Variants in DZANK1 observed in about 807,000 individuals in gnomAD.
DZANK1 encodes double zinc ribbon and ankyrin repeat domains 1.
In DZANK1, 91 loss-of-function variants were observed where a neutral mutation model predicts 94.5. That is an observed-to-expected ratio of 0.96 (90% CI 0.81 to 1.15). DZANK1 has a LOEUF of 1.15. Among genes scored for constraint, DZANK1 ranks in the 50% most tolerant of loss-of-function variants. DZANK1 has a pLI of 0.00. For missense variants in DZANK1, 903 were observed against 916.4 expected (o/e 0.99, Z 0.19); for synonymous variants, 312 against 325.3 (o/e 0.96, Z 0.44).
intron 8 of DZANK1, among the ~76,000 whole-genome samples, 166 bp downstream of exon 8, chr20:18,443,181 G>C (rs1357738783): frequency 6.6e-6 from 1 of 152,198 alleles, no homozygotes. Context: ...AGCATTGCAA[G>C]TAAGTTTTTC....
chr20:18,460,396 G>T, intron 2 of DZANK1, 90 bp from the exon 3 acceptor site: 1 of 954,830 alleles, frequency 1.0e-6, no homozygotes, highest in Non-Finnish European at 1.5e-6. Flanking sequence ...ATCTAAGTGT[G>T]TGATTTAAGA....
chr20:18,409,751 A>C (rs1342428491), intron 13 of DZANK1, among the ~76,000 whole-genome samples: 1 of 152,176 alleles, frequency 6.6e-6, no homozygotes, highest in Non-Finnish European at 1.5e-5. Context: ...TAGAAATAAG[A>C]TATATTGACC....
At chr20:18,461,938 C>T (rs2059487308) in intron 2 of DZANK1, among the ~76,000 whole-genome samples, 1 of 151,896 alleles carries the variant, frequency 6.6e-6, no homozygotes, top group Non-Finnish European at 1.5e-5. Context: ...AAACTGCCCT[C>T]CATGGATGGT....
exon 13 of DZANK1, chr20:18,412,764 G>A (rs1359599670): frequency 1.9e-6 from 3 of 1,613,756 alleles, no homozygotes; most frequent in African/African-American, 2.7e-5. Flanking sequence ...ATGGGTAGAA[G>A]AGGCCAACAG....
intron 13 of DZANK1, among the ~76,000 whole-genome samples, chr20:18,407,919 A>T (rs2057040776): frequency 1.3e-5 from 2 of 152,218 alleles, no homozygotes. Context: ...ACAACAAAGC[A>T]CACCTATAAG....
At position 18,441,654 on chromosome 20, in the gene DZANK1, G is replaced by A. The variant is rs576762659; in HGVS notation, c.747+1693C>T. 2.6e-5 allele frequency among the ~76,000 whole-genome samples: 4 copies of A among 152,316 alleles called. No individual in the cohort carries two copies. The highest frequency in any genetic ancestry group is 2.1e-4 in the South Asian group (1 of 4,828). On this transcript the variant is annotated intron_variant, in intron 8 of 20. Transcript: ENST00000262547. The surrounding 1 kb of genome is among the most constrained non-coding windows in gnomAD (Gnocchi z 4.1). ...GAATTGAGTGTGGTTGTCACCCACC[G>A]GATGGCAGAGAAGTTCACTGAGGTG... is the stretch of plus-strand genomic sequence containing the variant.
At chr20:18,465,636 C>T (rs1455984477) in intron 1 of DZANK1, among the ~76,000 whole-genome samples, 2 of 152,188 alleles carry the variant, frequency 1.3e-5, no homozygotes, top group East Asian at 1.9e-4. Flanking sequence ...AAAGAAGTTA[C>T]TTTAAAAGGA....
At chr20:18,459,750 C>T (rs1321469195) in intron 3 of DZANK1, among the ~76,000 whole-genome samples, 2 of 152,030 alleles carry the variant, frequency 1.3e-5, no homozygotes, top group African/African-American at 2.4e-5. Context: ...CGATACAAAA[C>T]GAAATCGAGA....
chr20:18,464,720 G>A (rs1281408254), intron 2 of DZANK1, among the ~76,000 whole-genome samples: 4 of 129,948 alleles, frequency 3.1e-5, no homozygotes, highest in African/African-American at 1.2e-4. Flanking sequence ...CTGTTGCCTA[G>A]GCTGGAGTGC....
chr20:18,437,595 AAAAAG>A (rs1314851625), intron 8 of DZANK1, among the ~76,000 whole-genome samples: 2 of 152,046 alleles, frequency 1.3e-5, no homozygotes, highest in African/African-American at 4.8e-5. Context: ...AGAAAAGAAA[AAAAAG>A]AAAAGAAAAG....
At chr20:18,436,507 C>A (rs576178014) in intron 8 of DZANK1, among the ~76,000 whole-genome samples, 53 of 150,836 alleles carry the variant, frequency 3.5e-4, no homozygotes, top group African/African-American at 1.2e-3. Context: ...AAGAAAGAAT[C>A]AGTGAACTTG....
At chr20:18,448,652 A>ACTC (rs1432951840) in intron 7 of DZANK1, among the ~76,000 whole-genome samples, 8 of 152,116 alleles carry the variant, frequency 5.3e-5, no homozygotes, top group Non-Finnish European at 1.2e-4. Context: ...GCAGATCACG[A>ACTC]GGTCAAGAGA....
intron 9 of DZANK1, among the ~76,000 whole-genome samples, chr20:18,429,681 C>A (rs2058202070): frequency 6.6e-6 from 1 of 152,250 alleles, no homozygotes; most frequent in South Asian, 2.1e-4. Flanking sequence ...TTCTGAGATA[C>A]TACTATGAAC....
At chr20:18,419,283 C>CAG (rs113529060) in intron 10 of DZANK1, among the ~76,000 whole-genome samples, 3 of 148,204 alleles carry the variant, frequency 2.0e-5, no homozygotes, top group African/African-American at 7.4e-5. Flanking sequence ...AAAAAATGAA[C>CAG]AGAACCTCAG....
rs144762783 is a variant in DZANK1 at position 18,446,064 on chromosome 20, C to CAA, written c.630-2602_630-2601dup. Among the ~76,000 whole-genome samples the CAA allele has an allele frequency of 2.4e-3, 295 of 124,484 alleles. 3 individuals carry two copies. Among genetic ancestry groups the CAA allele is most frequent in the East Asian group, 4.3e-3 (20 of 4,610 alleles). 81.7% of individuals were successfully genotyped at this position (124,484 alleles called of 152,430 possible). A position where few individuals can be genotyped will look rare whatever the true frequency, so the allele number is the denominator to read the frequency against. ...ATAGGCATGGGCCACCACGCCCAGCCAAAAAAAAAAAAAAGAAAAAAAGTT... is the reference window on the plus strand; with the variant it reads ...ATAGGCATGGGCCACCACGCCCAGCCAAAAAAAAAAAAAAAAGAAAAAAAGTT... On this transcript the variant is annotated intron_variant, in intron 7 of 20. Coordinates refer to ENST00000262547, the Ensembl canonical transcript of DZANK1.
chr20:18,438,793 G>A (rs184639655), intron 8 of DZANK1, among the ~76,000 whole-genome samples: 2 of 152,308 alleles, frequency 1.3e-5, no homozygotes, highest in East Asian at 3.9e-4. Context: ...TATCAGGTGA[G>A]GGCTTGCCCT....
intron 7 of DZANK1, among the ~76,000 whole-genome samples, chr20:18,447,230 C>T (rs1243732428): frequency 1.3e-5 from 2 of 152,116 alleles, no homozygotes; most frequent in South Asian, 2.1e-4. Context: ...AATCCCACTA[C>T]TTTGGGAGGT....
At chr20:18,419,799 T>G (rs1459585646) in intron 10 of DZANK1, among the ~76,000 whole-genome samples, 2 of 151,264 alleles carry the variant, frequency 1.3e-5, no homozygotes, top group East Asian at 1.9e-4. Flanking sequence ...AGTTCCTCTG[T>G]GTGAAGGGAT....
chr20:18,390,402 CAG>C lies in DZANK1; in HGVS notation c.1865_1866del (p.Ser622CysfsTer3). 6.2e-7 allele frequency: 1 copy of C among 1,614,002 alleles called. No homozygotes were observed. Among genetic ancestry groups the C allele is most frequent in the Non-Finnish European group, 8.5e-7 (1 of 1,179,856 alleles). ...ACCTCATCCAGCAGCTGTTCAATCA[CAG>C]AGACTCTTCCTTCCCCCGTGGGTCC... On this transcript the variant is annotated frameshift_variant, in exon 18 of 21. Transcript: ENST00000262547. LOFTEE classifies it high-confidence loss of function.
Sources: allele counts gnomAD v4.1 joint callset (sites outside exome capture counted in the v4.1 genomes callset), GRCh38; gene constraint gnomAD v4.1.1; non-coding constraint Gnocchi (gnomAD v3.1); transcripts MANE v1.5; gene names NCBI Gene and HGNC (gene_info 2026-07-23, HGNC 2026-07-21).